The following SEMA4F variants were observed in gnomAD, a reference collection of about 807,000 sequenced individuals.
SEMA4F encodes semaphorin-4F.
SEMA4F carries 51 observed loss-of-function variants against 78.4 expected under a neutral mutation model. That is an observed-to-expected ratio of 0.65 (90% CI 0.52 to 0.82). SEMA4F has a LOEUF of 0.82. Among genes scored for constraint, SEMA4F ranks in the 40% least tolerant of loss-of-function variants. The probability of loss-of-function intolerance (pLI) is 0.00; values close to 1 mark genes in which losing one functional copy is unlikely to be tolerated. For synonymous variants in SEMA4F, 418 were observed against 408.7 expected, an observed-to-expected ratio of 1.02 and a Z score of -0.27; for missense variants, 938 against 1,014.4, an observed-to-expected ratio of 0.92 and a Z score of 1.02.
chr2:74,692,258 G>C, the SEMA4F span, among the ~76,000 whole-genome samples: 10 of 152,160 alleles, frequency 6.6e-5, no homozygotes, highest in Admixed American at 6.5e-4. Context: ...CAGGCAATGT[G>C]CCTAAGATGA....
At chr2:74,667,206 T>C (rs909987624) in intron 5 of SEMA4F, among the ~76,000 whole-genome samples, 1 of 152,256 alleles carries the variant, frequency 6.6e-6, no homozygotes, top group Non-Finnish European at 1.5e-5. Flanking sequence ...TATATAATTA[T>C]ACATTCAAAT....
chr2:74,657,418 G>T, intron 2 of SEMA4F, 147 bp from the exon 3 acceptor site: 1 of 632,884 alleles, frequency 1.6e-6, no homozygotes, highest in South Asian at 2.0e-5. Flanking sequence ...TTAATGGGTG[G>T]GGACCTCCAT....
Position 74,658,478 on chromosome 2 carries a change from T to C in SEMA4F, c.456+527T>C, listed in dbSNP as rs363714. Among the ~76,000 whole-genome samples, 1 of 152,250 alleles carries C rather than the reference T, an allele frequency of 6.6e-6. No individual in the cohort carries two copies. The highest frequency in any genetic ancestry group is 2.4e-5 in the African/African-American group (1 of 41,468). ...TCATGGCTTCTGATGTCACTTCCAC[T>C]AATGTAATATCTGCTGGCCCCATAT... On this transcript the variant is annotated intron_variant, in intron 4 of 13. Coordinates refer to ENST00000357877, the MANE Select transcript of SEMA4F (RefSeq NM_004263.5). The surrounding 1 kb of genome is among the most constrained non-coding windows in gnomAD (Gnocchi z 4.3).
Position 74,661,104 on chromosome 2 carries a change from A to G in SEMA4F, c.457-1628A>G, listed in dbSNP as rs542291164. 6.6e-5 allele frequency among the ~76,000 whole-genome samples: 10 copies of G among 152,358 alleles called. No homozygotes were observed. The South Asian group carries it at 1.9e-3, about 28-fold the overall frequency. On this transcript the variant is annotated intron_variant, in intron 4 of 13. Coordinates refer to ENST00000357877, the MANE Select transcript of SEMA4F (RefSeq NM_004263.5). The stretch of plus-strand genomic sequence containing the variant: ...ATATTTCAAGGAAGGGAGTGAGTCA[A>G]AAGTATCAAATGGTGCATAAGGGTT...
intron 5 of SEMA4F, among the ~76,000 whole-genome samples, chr2:74,671,186 G>A (rs1318599442): frequency 1.3e-5 from 2 of 152,122 alleles, no homozygotes; most frequent in Non-Finnish European, 2.9e-5. Context: ...CAAACACTTG[G>A]ATTCTTTTTA....
chr2:74,654,989 C>G (rs1468138596), intron 1 of SEMA4F, among the ~76,000 whole-genome samples: 3 of 152,208 alleles, frequency 2.0e-5, no homozygotes, highest in Admixed American at 1.3e-4. Flanking sequence ...TTTCATTCTA[C>G]TCCAGCTTTC....
At chr2:74,666,015 G>A (rs1223528172) in intron 5 of SEMA4F, among the ~76,000 whole-genome samples, 1 of 151,184 alleles carries the variant, frequency 6.6e-6, no homozygotes, top group Non-Finnish European at 1.5e-5. Flanking sequence ...TCAAGTGATT[G>A]TCCTGCCTCA....
chr2:74,658,209 A>G lies in SEMA4F; in HGVS notation c.456+258A>G, dbSNP rs1186100290. Reference sequence around the variant, plus strand: ...AAAGTGTGAAGAGAGACATAGTGGGATAGTTAAGGAAGTTAGGGATGCTGG... The same window carrying G: ...AAAGTGTGAAGAGAGACATAGTGGGGTAGTTAAGGAAGTTAGGGATGCTGG... On this transcript the variant is annotated intron_variant, in intron 4 of 13. Transcript: ENST00000357877. This position sits in a 1 kb window ranked among gnomAD's most constrained non-coding sequence, Gnocchi z 4.3. Among the ~76,000 whole-genome samples, 1 of 152,170 alleles carries G rather than the reference A, an allele frequency of 6.6e-6. No individual in the cohort carries two copies. The highest frequency in any genetic ancestry group is 2.4e-5 in the African/African-American group (1 of 41,424).
the SEMA4F span, among the ~76,000 whole-genome samples, chr2:74,695,786 G>A: frequency 6.6e-6 from 1 of 152,208 alleles, no homozygotes; most frequent in African/African-American, 2.4e-5. Flanking sequence ...AACCAGATAT[G>A]AATTGTGAGA....
intron 5 of SEMA4F, among the ~76,000 whole-genome samples, chr2:74,663,636 GA>G (rs1684535680): frequency 6.6e-6 from 1 of 152,156 alleles, no homozygotes; most frequent in South Asian, 2.1e-4. Context: ...CATAGTGAGA[GA>G]GGGGGCAAGA....
intron 5 of SEMA4F, among the ~76,000 whole-genome samples, chr2:74,672,309 C>T (rs1330846111): frequency 6.6e-6 from 1 of 152,166 alleles, no homozygotes; most frequent in Non-Finnish European, 1.5e-5. Flanking sequence ...TTCTCATTCC[C>T]ATACCCAGCT....
rs1685486926 is a variant in SEMA4F, at chr2:74,679,707, T to G, written c.1811T>G (p.Val604Gly). 1 of 1,613,966 alleles carries G rather than the reference T, an allele frequency of 6.2e-7. No homozygotes were observed. Among genetic ancestry groups the G allele is most frequent in the Non-Finnish European group, 8.5e-7 (1 of 1,180,010 alleles). Reference protein sequence around the residue: ...ASCVWHQPSGVTALTPRRDGL... With the variant: ...ASCVWHQPSGGTALTPRRDGL... ...TGTGTGTGGCACCAGCCCAGTGGAG[T>G]GACTGCACTCACCCCCCGGCGGGAT... Residue 604 changes from valine (V) to glycine (G), a missense_variant, in exon 14 of 14, where the codon GTG (valine) becomes GGG (glycine). Val to Gly is a moderately radical substitution (Grantham distance 109). Coordinates refer to ENST00000357877, the MANE Select transcript of SEMA4F (RefSeq NM_004263.5).
At chr2:74,699,419 G>C in the SEMA4F span, among the ~76,000 whole-genome samples, 14 of 152,156 alleles carry the variant, frequency 9.2e-5, no homozygotes, top group Non-Finnish European at 1.9e-4. Flanking sequence ...CACATGACAT[G>C]GCTTCAGGAA....
At position 74,680,395 on chromosome 2, in the gene SEMA4F, A is replaced by T. The variant is rs1573271266; in HGVS notation, c.*186A>T. On this transcript the variant is annotated 3_prime_UTR_variant, in exon 14 of 14. Transcript: ENST00000357877. ...GGGCTTGGGGCCAGACCTTTGCCTG[A>T]TTCCTGATTCCCATGAGAAATCAGA... The T allele has an allele frequency of 5.1e-6, 3 of 591,554 alleles. No individual in the cohort carries two copies. Among genetic ancestry groups the T allele is most frequent in the East Asian group, 5.9e-5 (2 of 33,740 alleles). The allele number at this position is 591,554 out of a possible 1,614,324, so 36.6% of individuals were successfully genotyped here.
In SEMA4F at chr2:74,675,506, T is replaced by G; in HGVS notation, c.1373-19T>G. ...AGGGGCAATTATGTAATTATTCTTG[T>G]TCCTTTCCTGTCCCCTAGAGGATGG... is the stretch of plus-strand genomic sequence containing the variant. On this transcript the variant is annotated intron_variant, in intron 10 of 13. Coordinates refer to ENST00000357877, the MANE Select transcript of SEMA4F (RefSeq NM_004263.5). 1 of 1,610,192 alleles carries G rather than the reference T, an allele frequency of 6.2e-7. No individual in the cohort carries two copies. Among genetic ancestry groups the G allele is most frequent in the Non-Finnish European group, 8.5e-7 (1 of 1,176,368 alleles).
At position 74,658,865 on chromosome 2, in the gene SEMA4F, T is replaced by G. The variant is rs1684289398; in HGVS notation, c.456+914T>G. On this transcript the variant is annotated intron_variant, in intron 4 of 13. Coordinates refer to ENST00000357877, the MANE Select transcript of SEMA4F (RefSeq NM_004263.5). The surrounding 1 kb of genome is among the most constrained non-coding windows in gnomAD (Gnocchi z 4.3). ...CCTTTTTTGACCTCATCCTTAACTG[T>G]AGATCTTGTCTTGACTCTTCTGCAG... Among the ~76,000 whole-genome samples, 1 of 152,196 alleles carries G rather than the reference T, an allele frequency of 6.6e-6. No homozygotes were observed. Among genetic ancestry groups the G allele is most frequent in the Admixed American group, 6.5e-5 (1 of 15,290 alleles).
chr2:74,697,937 C>T, the SEMA4F span, among the ~76,000 whole-genome samples: 76 of 152,272 alleles, frequency 5.0e-4, no homozygotes, highest in Admixed American at 2.6e-3. Flanking sequence ...TGGCCTCAGC[C>T]ACCCCTCAGG....
chr2:74,705,209 T>C, the SEMA4F span, among the ~76,000 whole-genome samples: 1 of 152,200 alleles, frequency 6.6e-6, no homozygotes, highest in Non-Finnish European at 1.5e-5. Flanking sequence ...GGAATATAAT[T>C]TGGTAACATC....
the SEMA4F span, among the ~76,000 whole-genome samples, chr2:74,689,692 CAAT>C: frequency 6.6e-6 from 1 of 152,048 alleles, no homozygotes; most frequent in Non-Finnish European, 1.5e-5. Context: ...AAGGAGGAAA[CAAT>C]AAGAAAGAGA....
Sources: gnomAD v4.1 joint callset for allele counts (sites outside exome capture counted in the v4.1 genomes callset) on GRCh38, gnomAD v4.1.1 for gene constraint, Gnocchi (gnomAD v3.1) non-coding constraint, MANE v1.5 for transcripts, NCBI Gene and HGNC (gene_info 2026-07-23, HGNC 2026-07-21) for gene names.